SYBU: variants seen among roughly 807,000 people sequenced by gnomAD.
SYBU encodes the protein syntabulin, also known as GOLSYN A protein.
In SYBU, 21 loss-of-function variants were observed where a neutral mutation model predicts 35.9. That is an observed-to-expected ratio of 0.58 (90% CI 0.41 to 0.84). The LOEUF (loss-of-function observed/expected upper bound fraction) is 0.84, where lower values mean the gene tolerates loss of function less well. SYBU is among the 40% of genes least tolerant of loss of function. The pLI is 0.00. For synonymous variants in SYBU, 319 were observed against 324.3 expected (o/e 0.98, Z 0.18); for missense variants, 768 against 848.2 (o/e 0.91, Z 1.17).
intron 2 of SYBU, among the ~76,000 whole-genome samples, chr8:109,622,474 CT>C (rs903808121): frequency 3.3e-5 from 5 of 152,104 alleles, no homozygotes; most frequent in Non-Finnish European, 7.4e-5. Context: ...CTCAAGTGAT[CT>C]GCCTGCCTCA....
At chr8:109,604,314 C>A (rs1018684005) in intron 3 of SYBU, among the ~76,000 whole-genome samples, 1 of 152,132 alleles carries the variant, frequency 6.6e-6, no homozygotes, top group Admixed American at 6.5e-5. Flanking sequence ...TACAGTTTTA[C>A]CCTTTATAAG....
At chr8:109,686,088 C>T (rs1817512484) in intron 1 of SYBU, among the ~76,000 whole-genome samples, 2 of 151,838 alleles carry the variant, frequency 1.3e-5, no homozygotes, top group Middle Eastern at 3.4e-3. Context: ...CTGAAGAATA[C>T]ATAATTTTTA....
intron 5 of SYBU, among the ~76,000 whole-genome samples, chr8:109,579,362 C>T (rs1037406542): frequency 6.6e-6 from 1 of 152,198 alleles, no homozygotes; most frequent in African/African-American, 2.4e-5. Context: ...GCGTTGGACA[C>T]CCTCCCCACC....
At chr8:109,645,633 G>GTT (rs77642059), upstream of SYBU, 820 of 229,084 alleles carry the variant, frequency 3.6e-3, 8 homozygotes, top group African/African-American at 6.0e-3. Flanking sequence ...TTCGTTTTTT[G>GTT]TTTTTTTTTT....
chr8:109,586,069 G>C lies in SYBU; in HGVS notation c.521C>G (p.Ser174Cys). The change falls in exon 4 of 7, where the codon TCT (serine) becomes TGT (cysteine). Residue 174 changes from serine (S) to cysteine (C), a missense_variant. Transcript: ENST00000276646. ...AGGAGATGGTGCCTACTTGCGTGAA[G>C]AAGAAGACCGCTTGCTTCCCGCAGT... is the stretch of plus-strand genomic sequence containing the variant. Reference protein sequence around the residue: ...MSTAGSKRSSSSRNRGPHGRS... With the variant: ...MSTAGSKRSSCSRNRGPHGRS... The C allele has an allele frequency of 6.2e-7, 1 of 1,609,726 alleles. No individual in the cohort carries two copies. The highest frequency in any genetic ancestry group is 8.5e-7 in the Non-Finnish European group (1 of 1,178,272).
chr8:109,688,083 G>A (rs1263304424), intron 1 of SYBU, among the ~76,000 whole-genome samples: 1 of 152,124 alleles, frequency 6.6e-6, no homozygotes, highest in African/African-American at 2.4e-5. Context: ...GATACATTAG[G>A]TGGTACACAG....
intron 2 of SYBU, among the ~76,000 whole-genome samples, chr8:109,629,613 A>C (rs866478059): frequency 2.6e-5 from 4 of 152,160 alleles, no homozygotes; most frequent in Admixed American, 1.3e-4. Context: ...ATACGTGTGC[A>C]TGTGTCTTTA....
chr8:109,667,248 C>G (rs1224319100), intron 1 of SYBU, among the ~76,000 whole-genome samples: 1 of 152,008 alleles, frequency 6.6e-6, no homozygotes, highest in Non-Finnish European at 1.5e-5. Flanking sequence ...TCCCGAGTAG[C>G]TGGGACTACA....
At chr8:109,587,116 T>C (rs147376830) in intron 3 of SYBU, among the ~76,000 whole-genome samples, 11 of 152,170 alleles carry the variant, frequency 7.2e-5, no homozygotes, top group African/African-American at 2.7e-4. Flanking sequence ...AGGTATACAG[T>C]TTAATTTGAC....
chr8:109,596,711 T>C (rs1824923857), intron 3 of SYBU, among the ~76,000 whole-genome samples: 1 of 152,236 alleles, frequency 6.6e-6, no homozygotes, highest in South Asian at 2.1e-4. Context: ...TTAGAGTGTG[T>C]GATTTTTATC....
Position 109,629,665 on chromosome 8 carries a change from T to C in SYBU, c.230-10626A>G, listed in dbSNP as rs569385813. ...AGTCCTTTGGGTATATACCCAGTAA[T>C]GGGATGGCTGGGTCAAATGGTATTT... On this transcript the variant is annotated intron_variant, in intron 2 of 6. Transcript: ENST00000276646. Among the ~76,000 whole-genome samples the C allele has an allele frequency of 2.0e-5, 3 of 152,184 alleles. No individual in the cohort carries two copies. The South Asian group carries it at 6.2e-4, about 32-fold the overall frequency.
chr8:109,633,834 A>G (rs903043071), intron 2 of SYBU, among the ~76,000 whole-genome samples: 1 of 152,106 alleles, frequency 6.6e-6, no homozygotes, highest in Non-Finnish European at 1.5e-5. Flanking sequence ...CCCGGGCTCA[A>G]GTGATTCTCA....
chr8:109,581,896 C>T (rs961826922), intron 4 of SYBU, among the ~76,000 whole-genome samples: 5 of 152,186 alleles, frequency 3.3e-5, no homozygotes, highest in Admixed American at 6.5e-5. Context: ...CTCTTCTCTT[C>T]GTGAGAAGAG....
At chr8:109,677,207 T>A (rs1450714651) in intron 1 of SYBU, among the ~76,000 whole-genome samples, 6 of 152,030 alleles carry the variant, frequency 3.9e-5, no homozygotes, top group Admixed American at 1.3e-4. Flanking sequence ...TGAAAAAAAA[T>A]GTAAGATACT....
chr8:109,595,661 T>C (rs1013602979), intron 3 of SYBU, among the ~76,000 whole-genome samples: 33 of 152,324 alleles, frequency 2.2e-4, no homozygotes, highest in African/African-American at 7.7e-4. Flanking sequence ...AGCCAGGTTT[T>C]GAAGCCATTT....
chr8:109,604,912 C>T (rs1825917144), intron 3 of SYBU, among the ~76,000 whole-genome samples: 1 of 152,212 alleles, frequency 6.6e-6, no homozygotes, highest in South Asian at 2.1e-4. Flanking sequence ...CTGGCAGAGG[C>T]TCACAGAGCC....
In SYBU at chr8:109,575,295, A is replaced by C. The variant is rs1165303976; in HGVS notation, c.1603T>G (p.Ser535Ala). 1 of 1,613,908 alleles carries C rather than the reference A, an allele frequency of 6.2e-7. No individual in the cohort carries two copies. Among genetic ancestry groups the C allele is most frequent in the African/African-American group, 1.3e-5 (1 of 74,854 alleles). ...EPDSMESFPE[S>A]LSALVVDLTP... ...AAATCAACCACTAAGGCAGAGAGGG[A>C]CTCTGGGAAGCTCTCCATCGAGTCT... Residue 535 changes from serine to alanine, a missense_variant, in exon 7 of 7, where the codon TCC (serine) becomes GCC (alanine). Transcript: ENST00000276646.
chr8:109,621,967 T>A (rs746744916), intron 2 of SYBU, among the ~76,000 whole-genome samples: 1 of 152,168 alleles, frequency 6.6e-6, no homozygotes, highest in African/African-American at 2.4e-5. Context: ...GAAGAAGAAG[T>A]TATCTTTACA....
chr8:109,611,859 G>C (rs1811206136), intron 3 of SYBU, among the ~76,000 whole-genome samples: 2 of 152,118 alleles, frequency 1.3e-5, no homozygotes, highest in African/African-American at 4.8e-5. Flanking sequence ...GTTACATTGA[G>C]GCTCACTGAT....
Sources: gnomAD v4.1 joint callset for allele counts (sites outside exome capture counted in the v4.1 genomes callset) on GRCh38, gnomAD v4.1.1 for gene constraint, MANE v1.5 for transcripts, NCBI Gene and HGNC (gene_info 2026-07-23, HGNC 2026-07-21) for gene names.